Variants in NCF2 observed in about 807,000 individuals in gnomAD.
NCF2 encodes the protein neutrophil cytosol factor 2.
NCF2 carries 45 observed loss-of-function variants against 70.9 expected under a neutral mutation model. The ratio of observed to expected loss-of-function variants is 0.63; its 90% CI spans 0.50 to 0.81. NCF2 has a LOEUF of 0.81. Ranked by LOEUF, NCF2 falls within the 40% of genes least tolerant of loss-of-function variation. The pLI, the probability that NCF2 is intolerant of heterozygous loss-of-function variation, is 0.00. For missense variants in NCF2, 522 were observed against 631.6 expected (o/e 0.83, Z 1.86); for synonymous variants, 203 against 233.6 (o/e 0.87, Z 1.19).
chr1:183,573,702 C>T (rs1259232788), intron 4 of NCF2, among the ~76,000 whole-genome samples: 1 of 152,164 alleles, frequency 6.6e-6, no homozygotes, highest in Admixed American at 6.5e-5. Context: ...GGCTTGAGTC[C>T]TCTTCTCTGT....
chr1:183,600,587 T>C, the NCF2 span, among the ~76,000 whole-genome samples: 2 of 152,220 alleles, frequency 1.3e-5, no homozygotes, highest in African/African-American at 4.8e-5. Flanking sequence ...TTAGAAGACA[T>C]TGTCTAGAAA....
chr1:183,590,445 C>T lies in NCF2; in HGVS notation c.-116G>A. 8.9e-7 allele frequency: 1 copy of T among 1,129,244 alleles called. No individual in the cohort carries two copies. The allele number at this position is 1,129,244 out of a possible 1,614,324, so 70.0% of individuals were successfully genotyped here. A position where few individuals can be genotyped will look rare whatever the true frequency, so the allele number is the denominator to read the frequency against. On this transcript the variant is annotated 5_prime_UTR_variant, in exon 1 of 15. Coordinates refer to ENST00000367535, the MANE Select transcript of NCF2 (RefSeq NM_000433.4). ...GCCCCCAAGGTGTTCACTTTCTGGG[C>T]CAGATGAGTAGAATGGGGCCCAGCC... is the stretch of plus-strand genomic sequence containing the variant.
chr1:183,574,666 A>G (rs1049765280), intron 3 of NCF2, 45 bp from the exon 4 acceptor site: 4 of 1,610,590 alleles, frequency 2.5e-6, no homozygotes, highest in Non-Finnish European at 2.5e-6. Flanking sequence ...ACTACTCCAA[A>G]TCAAGGTGCC....
the NCF2 span, among the ~76,000 whole-genome samples, chr1:183,599,357 TAG>T: frequency 1.3e-5 from 2 of 152,210 alleles, no homozygotes; most frequent in Non-Finnish European, 2.9e-5. Context: ...CTCCAGCCTG[TAG>T]ACAGAGACCT....
At position 183,581,231 on chromosome 1, in the gene NCF2, A is replaced by G. The variant is rs112723325; in HGVS notation, c.258-3524T>C. Reference sequence around the variant, plus strand: ...CAGGAAGTCAAGACTGCAGTGAGACATGATTGCACCACTCCACTCCAGCCT... The same window carrying G: ...CAGGAAGTCAAGACTGCAGTGAGACGTGATTGCACCACTCCACTCCAGCCT... On this transcript the variant is annotated intron_variant, in intron 2 of 14. Coordinates refer to ENST00000367535, the MANE Select transcript of NCF2 (RefSeq NM_000433.4). Among the ~76,000 whole-genome samples the G allele has an allele frequency of 2.4e-3, 346 of 144,496 alleles. 1 individual carries two copies. Among genetic ancestry groups the G allele is most frequent in the African/African-American group, 8.3e-3 (323 of 38,764 alleles). 94.8% of individuals were successfully genotyped at this position (144,496 alleles called of 152,430 possible). A position where few individuals can be genotyped will look rare whatever the true frequency, so the allele number is the denominator to read the frequency against.
At chr1:183,596,855 G>A in the NCF2 span, among the ~76,000 whole-genome samples, 3 of 152,090 alleles carry the variant, frequency 2.0e-5, no homozygotes, top group Non-Finnish European at 4.4e-5. Flanking sequence ...CTTCCCTGAT[G>A]TAAGTTAGTC....
chr1:183,577,444 C>A (rs1455373562), intron 3 of NCF2, among the ~76,000 whole-genome samples, 155 bp downstream of exon 3: 5 of 152,190 alleles, frequency 3.3e-5, no homozygotes, highest in Non-Finnish European at 7.3e-5. Context: ...CCATCTCAGT[C>A]TTTTCTTCAA....
intron 3 of NCF2, among the ~76,000 whole-genome samples, chr1:183,577,103 T>C (rs907420654): frequency 5.9e-5 from 9 of 152,232 alleles, no homozygotes; most frequent in Non-Finnish European, 8.8e-5. Context: ...TCTTTAGGTA[T>C]CAATCAAGTA....
Position 183,586,895 on chromosome 1 carries a change from TTC to T in NCF2, c.255_256del (p.Lys86IlefsTer2). On this transcript the variant is annotated frameshift_variant and splice_region_variant, in exon 2 of 15. Coordinates refer to ENST00000367535, the MANE Select transcript of NCF2 (RefSeq NM_000433.4). LOFTEE classifies it high-confidence loss of function. ...GTTGGTGCAACATTGAACCACTTAC[TTC>T]TCTGTCTGGTAGTAGAGCATCCCTC... The T allele has an allele frequency of 1.2e-6, 2 of 1,613,632 alleles. No homozygotes were observed. The highest frequency in any genetic ancestry group is 1.7e-6 in the Non-Finnish European group (2 of 1,179,544).
chr1:183,575,215 A>G (rs911496886), intron 3 of NCF2, among the ~76,000 whole-genome samples: 1 of 152,248 alleles, frequency 6.6e-6, no homozygotes, highest in East Asian at 1.9e-4. Flanking sequence ...CATGCCTGTA[A>G]TCCCAGCACT....
At chr1:183,599,423 C>CTTCTTTCTTTCTTTCTTTCTTTCTTTTCT in the NCF2 span, among the ~76,000 whole-genome samples, 1 of 107,508 alleles carries the variant, frequency 9.3e-6, no homozygotes, top group African/African-American at 3.8e-5. Context: ...TCTTTCTTTC[C>CTTCTTTCTTTCTTTCTTTCTTTCTTTTCT]TTCTTTCTTT....
Position 183,586,890 on chromosome 1 carries a change from C to CT in NCF2, c.257+4dup. 2 of 1,613,438 alleles carry CT rather than the reference C, an allele frequency of 1.2e-6. No individual in the cohort carries two copies. The highest frequency in any genetic ancestry group is 1.7e-6 in the Non-Finnish European group (2 of 1,179,352). ...CTCCAGTTGGTGCAACATTGAACCA[C>CT]TTACTTCTCTGTCTGGTAGTAGAGC... On this transcript the variant is annotated splice_donor_region_variant and intron_variant, in intron 2 of 14. Transcript: ENST00000367535.
intron 1 of NCF2, among the ~76,000 whole-genome samples, chr1:183,587,595 C>CAAAAAAAAAAAAAA (rs11287969): frequency 7.2e-5 from 3 of 41,856 alleles, no homozygotes; most frequent in Non-Finnish European, 1.4e-4. Flanking sequence ...CACCCTGTCT[C>CAAAAAAAAAAAAAA]AAAAAAAAAA....
At chr1:183,557,050 CT>C (rs1367911348) in intron 14 of NCF2, among the ~76,000 whole-genome samples, 1 of 152,118 alleles carries the variant, frequency 6.6e-6, no homozygotes, top group Non-Finnish European at 1.5e-5. Flanking sequence ...TACTCAGAGC[CT>C]TTAATAGAGT....
chr1:183,592,992 C>G (rs1426901905), upstream of NCF2, among the ~76,000 whole-genome samples: 2 of 152,196 alleles, frequency 1.3e-5, no homozygotes, highest in Admixed American at 6.5e-5. Context: ...AAATAGCACT[C>G]TCCTTAACAC....
At chr1:183,570,758 G>A (rs1348518049) in intron 6 of NCF2, 22 bp downstream of exon 6, 2 of 1,612,430 alleles carry the variant, frequency 1.2e-6, no homozygotes, top group Admixed American at 1.7e-5. Context: ...TAGGTCCATG[G>A]AGAAGGTCAG....
Position 183,555,761 on chromosome 1 carries a change from C to G in NCF2, c.*357G>C, listed in dbSNP as rs1380176565. ...TGTGGTATGACACAGAAAAGTGCAC[C>G]AAATGTACAGCTTGATGAATGTTTA... On this transcript the variant is annotated 3_prime_UTR_variant, in exon 15 of 15. Coordinates refer to ENST00000367535, the MANE Select transcript of NCF2 (RefSeq NM_000433.4). 3.9e-6 allele frequency: 1 copy of G among 259,604 alleles called. No individual in the cohort carries two copies. 16.1% of individuals were successfully genotyped at this position (259,604 alleles called of 1,614,324 possible).
chr1:183,570,740 T>C, intron 6 of NCF2, 40 bp downstream of exon 6: 1 of 1,602,520 alleles, frequency 6.2e-7, no homozygotes. Context: ...CAGAAAGCTC[T>C]CGAGACCTAG....
chr1:183,557,160 G>T (rs1671827891), intron 14 of NCF2, among the ~76,000 whole-genome samples: 2 of 152,182 alleles, frequency 1.3e-5, no homozygotes. Flanking sequence ...TGAATAGTTT[G>T]TTCAGAGCCA....
Sources: allele counts gnomAD v4.1 joint callset (sites outside exome capture counted in the v4.1 genomes callset), GRCh38; gene constraint gnomAD v4.1.1; transcripts MANE v1.5; gene names NCBI Gene and HGNC (gene_info 2026-07-23, HGNC 2026-07-21).